FMO5: variants seen among roughly 807,000 people sequenced by gnomAD.
FMO5 encodes the protein flavin-containing monooxygenase 5.
In FMO5, 51 loss-of-function variants were observed where a neutral mutation model predicts 43.6. That is an observed-to-expected ratio of 1.17 (90% CI 0.93 to 1.48). The LOEUF (loss-of-function observed/expected upper bound fraction) is 1.48, where lower values mean the gene tolerates loss of function less well. Ranked by LOEUF, FMO5 falls within the 40% of genes most tolerant of loss-of-function variation. The pLI, the probability that FMO5 is intolerant of heterozygous loss-of-function variation, is 0.00. For missense variants in FMO5, 644 were observed against 643.0 expected (o/e 1.00, Z -0.02); for synonymous variants, 187 against 216.5 (o/e 0.86, Z 1.20).
At chr1:147,191,432 C>G (rs1429598564) in intron 7 of FMO5, among the ~76,000 whole-genome samples, 1 of 152,034 alleles carries the variant, frequency 6.6e-6, no homozygotes, top group Non-Finnish European at 1.5e-5. Context: ...CTCTGATGGC[C>G]AGCGATGATG....
chr1:147,202,762 C>T (rs995867759), intron 6 of FMO5, among the ~76,000 whole-genome samples: 1 of 152,146 alleles, frequency 6.6e-6, no homozygotes, highest in African/African-American at 2.4e-5. Context: ...TTGTGTTCTG[C>T]ATTCCAACCT....
chr1:147,192,919 T>A (rs1213565695), intron 7 of FMO5, among the ~76,000 whole-genome samples: 1 of 152,158 alleles, frequency 6.6e-6, no homozygotes, highest in East Asian at 1.9e-4. Context: ...TTTGCCAGTA[T>A]TTTATTGAGG....
Position 147,215,827 on chromosome 1 carries a change from T to C in FMO5, c.251A>G (p.His84Arg), listed in dbSNP as rs782113433. ...GAAATACTCCAGGACCTGGGCATTATGCATGAAGTTGGGATAATGATCTGG... is the reference window on the plus strand; with the variant it reads ...GAAATACTCCAGGACCTGGGCATTACGCATGAAGTTGGGATAATGATCTGG... ...PIPDHYPNFM[H>R]NAQVLEYFRM... Residue 84 changes from histidine to arginine, a missense_variant, in exon 3 of 9, where the codon CAT becomes CGT. Physicochemically the swap from His to Arg is conservative, Grantham distance 29. Coordinates refer to ENST00000254090, the MANE Select transcript of FMO5 (RefSeq NM_001461.4). The C allele has an allele frequency of 1.2e-6, 2 of 1,614,010 alleles. No individual in the cohort carries two copies. The highest frequency in any genetic ancestry group is 1.7e-6 in the Non-Finnish European group (2 of 1,179,866).
chr1:147,220,708 A>G (rs1397534187), intron 2 of FMO5, among the ~76,000 whole-genome samples: 2 of 152,194 alleles, frequency 1.3e-5, no homozygotes, highest in Non-Finnish European at 2.9e-5. Flanking sequence ...TGATTTTCAT[A>G]TATGGCAAAA....
Position 147,186,411 on chromosome 1 carries a change from G to T in FMO5, c.*489C>A. 1.1e-6 allele frequency: 1 copy of T among 904,720 alleles called. No individual in the cohort carries two copies. The highest frequency in any genetic ancestry group is 1.3e-6 in the Non-Finnish European group (1 of 756,428). The allele number at this position is 904,720 out of a possible 1,614,324, so 56.0% of individuals were successfully genotyped here. On this transcript the variant is annotated 3_prime_UTR_variant, in exon 9 of 9. Coordinates refer to ENST00000254090, the MANE Select transcript of FMO5 (RefSeq NM_001461.4). ...CTTATCTTAGATACATACAACTATT[G>T]TAGGAACATTATTTCTCTTATCTCT...
At chr1:147,221,296 G>T (rs748961486) in intron 2 of FMO5, among the ~76,000 whole-genome samples, 1 of 152,134 alleles carries the variant, frequency 6.6e-6, no homozygotes, top group Non-Finnish European at 1.5e-5. Flanking sequence ...TAATAATAAT[G>T]TATCAATATT....
Position 147,187,229 on chromosome 1 carries a change from G to A in FMO5, c.1273C>T (p.Arg425Cys), listed in dbSNP as rs199847833. 66 of 1,607,822 alleles carry A rather than the reference G, an allele frequency of 4.1e-5. No individual in the cohort carries two copies. Among genetic ancestry groups the A allele is most frequent in the African/African-American group, 2.0e-4 (15 of 74,688 alleles). ...EIDKRYVESQ[R>C]HTIQGDYIDT... ...ATGTAGTCTCCCTGAATGGTATGGCGTTGGCTCTCCACATACCTAAAGTAG... is the reference window on the plus strand; with the variant it reads ...ATGTAGTCTCCCTGAATGGTATGGCATTGGCTCTCCACATACCTAAAGTAG... Residue 425 changes from arginine (R) to cysteine (C), a missense_variant, in exon 9 of 9, where the codon CGC (arginine) becomes TGC (cysteine). Arg to Cys is a radical substitution (Grantham distance 180). Transcript: ENST00000254090.
At chr1:147,185,274 G>A (rs189740131), downstream of FMO5, among the ~76,000 whole-genome samples, 10 of 151,992 alleles carry the variant, frequency 6.6e-5, no homozygotes, top group Admixed American at 5.2e-4. Flanking sequence ...TGTACTTATT[G>A]CTGATAACTA....
At chr1:147,201,059 T>C in intron 7 of FMO5, 93 bp downstream of exon 7, 1 of 877,226 alleles carries the variant, frequency 1.1e-6, no homozygotes, top group South Asian at 1.6e-5. Context: ...GTTGTAATCA[T>C]ACATGCTATC....
intron 2 of FMO5, 69 bp downstream of exon 2, chr1:147,224,826 G>T: frequency 6.6e-7 from 1 of 1,506,668 alleles, no homozygotes; most frequent in Non-Finnish European, 9.2e-7. Context: ...ACACTGTTAA[G>T]ATAAACTGTC....
chr1:147,202,445 G>A (rs1341154795), intron 6 of FMO5, among the ~76,000 whole-genome samples: 1 of 150,134 alleles, frequency 6.7e-6, no homozygotes. Flanking sequence ...TCAGCCTCCC[G>A]AGTAGCTTGG....
chr1:147,186,233 T>G, downstream of FMO5: 4 of 742,612 alleles, frequency 5.4e-6, no homozygotes, highest in Non-Finnish European at 6.6e-6. Context: ...AGATGGTAGA[T>G]GATCTGAATG....
At chr1:147,191,025 ATGGC>A (rs1553918339) in intron 7 of FMO5, among the ~76,000 whole-genome samples, 1 of 152,076 alleles carries the variant, frequency 6.6e-6, no homozygotes, top group African/African-American at 2.4e-5. Flanking sequence ...TTCATTTTTT[ATGGC>A]TGCATAATAT....
rs1663753639 is a variant in FMO5 at position 147,224,887 on chromosome 1, G to C, written c.135+8C>G. 1.9e-6 allele frequency: 3 copies of C among 1,613,314 alleles called. No homozygotes were observed. Among genetic ancestry groups the C allele is most frequent in the Non-Finnish European group, 2.5e-6 (3 of 1,179,298 alleles). ...TTCAAGTATTAAGGGACTAGGAGATGTATGTACCTGGAACCTCCAGAGCCC... is the reference window on the plus strand; with the variant it reads ...TTCAAGTATTAAGGGACTAGGAGATCTATGTACCTGGAACCTCCAGAGCCC... On this transcript the variant is annotated splice_region_variant and intron_variant, in intron 2 of 8. Coordinates refer to ENST00000254090, the MANE Select transcript of FMO5 (RefSeq NM_001461.4).
chr1:147,191,319 A>G (rs1167173148), intron 7 of FMO5, among the ~76,000 whole-genome samples: 1 of 151,990 alleles, frequency 6.6e-6, no homozygotes, highest in Non-Finnish European at 1.5e-5. Context: ...AAGTGTTCCT[A>G]TTTCTCCACA....
intron 3 of FMO5, among the ~76,000 whole-genome samples, chr1:147,214,459 C>CAA (rs782281901): frequency 4.7e-4 from 70 of 149,198 alleles, no homozygotes; most frequent in East Asian, 7.9e-4. Context: ...TGAAAAAAAA[C>CAA]AAAAAACAAA....
At chr1:147,189,679 T>C (rs1656316146) in intron 8 of FMO5, among the ~76,000 whole-genome samples, 1 of 152,206 alleles carries the variant, frequency 6.6e-6, no homozygotes, top group Admixed American at 6.5e-5. Flanking sequence ...TGTTACCATG[T>C]TCCCAACTCA....
chr1:147,207,283 G>A (rs781867313), intron 6 of FMO5, among the ~76,000 whole-genome samples: 4 of 152,088 alleles, frequency 2.6e-5, no homozygotes, highest in Non-Finnish European at 4.4e-5. Context: ...ACAGAGATGG[G>A]GAAAGGAAGC....
At chr1:147,199,241 G>A (rs1658570070) in intron 7 of FMO5, among the ~76,000 whole-genome samples, 1 of 152,018 alleles carries the variant, frequency 6.6e-6, no homozygotes, top group Non-Finnish European at 1.5e-5. Flanking sequence ...GAAAAAAATG[G>A]GAAAAACAAG....
Sources: gnomAD v4.1 joint callset for allele counts (sites outside exome capture counted in the v4.1 genomes callset) on GRCh38, gnomAD v4.1.1 for gene constraint, MANE v1.5 for transcripts, NCBI Gene and HGNC (gene_info 2026-07-23, HGNC 2026-07-21) for gene names.